The following CDH13 variants were observed in gnomAD, a reference collection of about 807,000 sequenced individuals.
The protein encoded by CDH13 is cadherin-13.
Under a neutral mutation model 63.8 loss-of-function variants are expected in CDH13, and 24 were observed. That is an observed-to-expected ratio of 0.38 (90% CI 0.27 to 0.53). The LOEUF (loss-of-function observed/expected upper bound fraction) is 0.53, where lower values mean the gene tolerates loss of function less well. Among genes scored for constraint, CDH13 ranks in the 20% least tolerant of loss-of-function variants. The pLI is 0.85. For missense variants in CDH13, 1,049 were observed against 903.1 expected, an observed-to-expected ratio of 1.16 and a Z score of -2.07; for synonymous variants, 503 against 355.3, an observed-to-expected ratio of 1.42 and a Z score of -4.67.
chr16:82,804,859 C>G (rs907442243), intron 1 of CDH13, among the ~76,000 whole-genome samples: 9 of 152,248 alleles, frequency 5.9e-5, no homozygotes, highest in Middle Eastern at 3.4e-3. Context: ...GAGAAATAAT[C>G]TAAGGGTTAT....
chr16:83,523,078 C>G (rs1259171506), intron 7 of CDH13, among the ~76,000 whole-genome samples: 3 of 152,176 alleles, frequency 2.0e-5, no homozygotes, highest in African/African-American at 7.2e-5. Flanking sequence ...CCCGGCCTCC[C>G]TATTCCACCC....
intron 1 of CDH13, among the ~76,000 whole-genome samples, chr16:82,701,479 G>A (rs556965870): frequency 2.0e-5 from 3 of 152,274 alleles, no homozygotes; most frequent in East Asian, 3.9e-4. Flanking sequence ...AGCTTTCAGG[G>A]AAAAGAAAGG....
Position 83,059,796 on chromosome 16 carries a change from T to G in CDH13, c.366+27578T>G, listed in dbSNP as rs75965775. On this transcript the variant is annotated intron_variant, in intron 3 of 13. Transcript: ENST00000567109. ...GCCTTTGTTTTTTTTTTTGTTTGTT[T>G]TTTTTTTTTTTTTTTTTAGAAGGAG... Among the ~76,000 whole-genome samples the G allele has an allele frequency of 3.8e-3, 494 of 131,728 alleles. 6 individuals are homozygous for G. Among genetic ancestry groups the G allele is most frequent in the African/African-American group, 0.013 (466 of 35,034 alleles). 86.4% of individuals were successfully genotyped at this position (131,728 alleles called of 152,430 possible). A position where few individuals can be genotyped will look rare whatever the true frequency, so the allele number is the denominator to read the frequency against.
intron 8 of CDH13, among the ~76,000 whole-genome samples, chr16:83,646,421 C>A (rs1419097489): frequency 1.3e-5 from 2 of 152,122 alleles, no homozygotes; most frequent in African/African-American, 2.4e-5. Context: ...GTTGTGTTGG[C>A]CGGACCCAGT....
At position 82,915,668 on chromosome 16, in the gene CDH13, A is replaced by C. The variant is rs534784997; in HGVS notation, c.157+57195A>C. 2.0e-5 allele frequency among the ~76,000 whole-genome samples: 3 copies of C among 152,088 alleles called. No individual in the cohort carries two copies. The East Asian group carries it at 5.8e-4, about 29-fold the overall frequency. On this transcript the variant is annotated intron_variant, in intron 2 of 13. Transcript: ENST00000567109. ...TGTGGTCTTATCTACTGCCTGCTGC[A>C]GGTGACGTTTGTGAAAGGGGTCCTG...
chr16:83,131,532 A>G (rs1023065723), intron 4 of CDH13, among the ~76,000 whole-genome samples: 3 of 152,160 alleles, frequency 2.0e-5, no homozygotes, highest in Non-Finnish European at 4.4e-5. Context: ...AGTTTTACCA[A>G]CTTTCACTGA....
chr16:83,345,067 G>A, intron 6 of CDH13, 61 bp downstream of exon 6: 1 of 1,570,890 alleles, frequency 6.4e-7, no homozygotes. Context: ...TTTGATCTTT[G>A]TGGATTCTAG....
At chr16:83,405,966 C>T (rs539006892) in intron 6 of CDH13, among the ~76,000 whole-genome samples, 6 of 152,320 alleles carry the variant, frequency 3.9e-5, no homozygotes, top group African/African-American at 1.4e-4. Flanking sequence ...AGCCACATGC[C>T]CTCAGCCCAC....
intron 3 of CDH13, among the ~76,000 whole-genome samples, chr16:83,060,813 G>C (rs2031472925): frequency 6.6e-6 from 1 of 152,134 alleles, no homozygotes; most frequent in Non-Finnish European, 1.5e-5. Flanking sequence ...GTGAACCCTT[G>C]CTTTCAGCTG....
In CDH13 at chr16:83,047,418, A is replaced by G. The variant is rs1226720296; in HGVS notation, c.366+15200A>G. 6.6e-6 allele frequency among the ~76,000 whole-genome samples: 1 copy of G among 152,198 alleles called. No individual in the cohort carries two copies. The highest frequency in any genetic ancestry group is 6.5e-5 in the Admixed American group (1 of 15,274). On this transcript the variant is annotated intron_variant, in intron 3 of 13. Coordinates refer to ENST00000567109, the MANE Select transcript of CDH13 (RefSeq NM_001257.5). The surrounding 1 kb of genome is among the most constrained non-coding windows in gnomAD (Gnocchi z 4.9). ...TATTCGATTTGGCCCTTGTTAACAA[A>G]GCCTAGTCTGTAAGAGCGTGACCAC... is the stretch of plus-strand genomic sequence containing the variant.
At chr16:83,322,752 A>T (rs148855791) in intron 5 of CDH13, among the ~76,000 whole-genome samples, 2 of 152,126 alleles carry the variant, frequency 1.3e-5, no homozygotes, top group Non-Finnish European at 2.9e-5. Flanking sequence ...CATCCGGTCT[A>T]TGACTCTACA....
intron 7 of CDH13, among the ~76,000 whole-genome samples, chr16:83,491,821 G>A (rs1384256807): frequency 6.6e-6 from 1 of 152,086 alleles, no homozygotes; most frequent in African/African-American, 2.4e-5. Context: ...AATTTGTTTT[G>A]TATTTTCAGC....
intron 2 of CDH13, among the ~76,000 whole-genome samples, chr16:83,030,257 G>A (rs938579347): frequency 3.9e-5 from 6 of 152,236 alleles, no homozygotes; most frequent in South Asian, 2.1e-4. Context: ...CACTGAACTC[G>A]TTGGAACTGG....
chr16:83,165,094 A>AAG (rs2037607075), intron 4 of CDH13, among the ~76,000 whole-genome samples: 1 of 151,702 alleles, frequency 6.6e-6, no homozygotes, highest in African/African-American at 2.4e-5. Context: ...AAAAAAAAAA[A>AAG]AAAAGTAAAA....
chr16:82,639,306 G>T, intron 1 of CDH13: 3 of 1,293,922 alleles, frequency 2.3e-6, no homozygotes, highest in Non-Finnish European at 3.2e-6. Flanking sequence ...TTCAGAACAG[G>T]GTCAGCCCGG....
chr16:83,667,948 A>AT (rs1914148788), intron 8 of CDH13, among the ~76,000 whole-genome samples: 1 of 152,112 alleles, frequency 6.6e-6, no homozygotes, highest in Non-Finnish European at 1.5e-5. Flanking sequence ...CAGTGTTAGA[A>AT]TACCATGCCC....
At chr16:82,825,189 T>C (rs1262363510) in intron 1 of CDH13, 1 of 152,210 alleles carries the variant, frequency 6.6e-6, no homozygotes, top group African/African-American at 2.4e-5. Context: ...CAACGAACTT[T>C]CTTCTTTTTC....
intron 1 of CDH13, among the ~76,000 whole-genome samples, chr16:82,738,541 T>G (rs868545547): frequency 5.8e-4 from 88 of 152,346 alleles, no homozygotes; most frequent in African/African-American, 1.9e-3. Flanking sequence ...AGCTTAGTAG[T>G]TAGCCCTCCG....
chr16:83,404,115 C>T (rs937919875), intron 6 of CDH13, among the ~76,000 whole-genome samples: 2 of 152,146 alleles, frequency 1.3e-5, no homozygotes, highest in Non-Finnish European at 2.9e-5. Flanking sequence ...GCTCTTGGCT[C>T]AGAAAATTCT....
Sources: gnomAD v4.1 joint callset for allele counts (sites outside exome capture counted in the v4.1 genomes callset) on GRCh38, gnomAD v4.1.1 for gene constraint, Gnocchi (gnomAD v3.1) non-coding constraint, MANE v1.5 for transcripts, NCBI Gene and HGNC (gene_info 2026-07-23, HGNC 2026-07-21) for gene names.